The following FIBCD1 variants were observed in gnomAD, a reference collection of about 807,000 sequenced individuals.
FIBCD1 encodes fibrinogen C domain-containing protein 1.
Under a neutral mutation model 45.1 loss-of-function variants are expected in FIBCD1, and 47 were observed. The observed-to-expected ratio is 1.04, with a 90% confidence interval of 0.82 to 1.33. The LOEUF (loss-of-function observed/expected upper bound fraction) is 1.33. Among genes scored for constraint, FIBCD1 ranks in the 40% most tolerant of loss-of-function variants. FIBCD1 has a pLI of 0.00. For missense variants in FIBCD1, 653 were observed against 682.2 expected (o/e 0.96, Z 0.48); for synonymous variants, 313 against 308.1 (o/e 1.02, Z -0.17).
At position 130,903,907 on chromosome 9, in the gene FIBCD1, C is replaced by G; in HGVS notation, c.*157G>C. On this transcript the variant is annotated 3_prime_UTR_variant, in exon 7 of 7. Transcript: ENST00000372338. ...GCGAGAAGGCGATGTGTGACTTCAC[C>G]GGCCCAGGGAGCTTCGTGTCAGGGA... 1.1e-6 allele frequency: 1 copy of G among 947,590 alleles called. No individual in the cohort carries two copies. The highest frequency in any genetic ancestry group is 1.7e-6 in the Non-Finnish European group (1 of 602,824). The allele number at this position is 947,590 out of a possible 1,614,324, so 58.7% of individuals were successfully genotyped here.
chr9:130,916,511 C>T (rs895398040), intron 4 of FIBCD1, among the ~76,000 whole-genome samples: 2 of 152,366 alleles, frequency 1.3e-5, no homozygotes, highest in Admixed American at 6.5e-5. Flanking sequence ...GTGCCGAGCA[C>T]GGCCCAGATC....
intron 4 of FIBCD1, among the ~76,000 whole-genome samples, chr9:130,913,758 C>G (rs1832108072): frequency 6.6e-6 from 1 of 152,174 alleles, no homozygotes; most frequent in South Asian, 2.1e-4. Flanking sequence ...TCAGGCACTC[C>G]CCTGAGAAGG....
In FIBCD1 at chr9:130,904,152, T is replaced by C; in HGVS notation, c.1298A>G (p.Asp433Gly). Residue 433 changes from aspartate to glycine, a missense_variant, in exon 7 of 7, where the codon GAC becomes GGC. Coordinates refer to ENST00000372338, the MANE Select transcript of FIBCD1 (RefSeq NM_032843.5). ...GGTCCAGGAGGACCACTCCACGCCGTCGGCATAGGAGGCGTGCGCACCGCG... is the reference window on the plus strand; with the variant it reads ...GGTCCAGGAGGACCACTCCACGCCGCCGGCATAGGAGGCGTGCGCACCGCG... ...YLRGAHASYA[D>G]GVEWSSWTGW... 1.2e-6 allele frequency: 2 copies of C among 1,613,462 alleles called. No individual in the cohort carries two copies. Among genetic ancestry groups the C allele is most frequent in the Non-Finnish European group, 1.7e-6 (2 of 1,179,932 alleles).
intron 1 of FIBCD1, among the ~76,000 whole-genome samples, chr9:130,934,997 A>C (rs1832497665): frequency 6.6e-6 from 1 of 152,036 alleles, no homozygotes; most frequent in Non-Finnish European, 1.5e-5. Context: ...AATCGCCCCG[A>C]CCTGTGAGTT....
rs911207398 is a variant in FIBCD1, at chr9:130,923,321, ACTC to A, written c.849+420_849+422del. ...GGGGGGTCTCTGCTCCTCCAGCCAC[ACTC>A]CTCCTTTTTCTTCTGCACACGCGCC... On this transcript the variant is annotated intron_variant, in intron 4 of 6. Transcript: ENST00000372338. Among the ~76,000 whole-genome samples, 11 of 151,458 alleles carry A rather than the reference ACTC, an allele frequency of 7.3e-5. No individual in the cohort carries two copies. The East Asian group carries it at 1.4e-3, about 19-fold the overall frequency.
chr9:130,936,531 G>C (rs1230416068), intron 1 of FIBCD1, among the ~76,000 whole-genome samples: 1 of 152,236 alleles, frequency 6.6e-6, no homozygotes, highest in Non-Finnish European at 1.5e-5. Context: ...GGGCTGTGTG[G>C]GGGCTGAAAG....
At chr9:130,937,532 G>A (rs1279059126) in intron 1 of FIBCD1, among the ~76,000 whole-genome samples, 2 of 152,228 alleles carry the variant, frequency 1.3e-5, no homozygotes, top group African/African-American at 4.8e-5. Flanking sequence ...CAGCTCCTGA[G>A]AGGAAGGGAC....
rs371058676 is a variant in FIBCD1, at chr9:130,904,151, G to A, written c.1299C>T (p.Asp433=). Reference sequence around the variant, plus strand: ...CGGTCCAGGAGGACCACTCCACGCCGTCGGCATAGGAGGCGTGCGCACCGC... The same window carrying A: ...CGGTCCAGGAGGACCACTCCACGCCATCGGCATAGGAGGCGTGCGCACCGC... ...YLRGAHASYA[D]GVEWSSWTGW... is the part of the protein sequence containing the mutation. Residue 433 remains aspartate (D), a synonymous_variant, in exon 7 of 7, where the codon GAC becomes GAT. Transcript: ENST00000372338. 3.0e-5 allele frequency: 49 copies of A among 1,613,446 alleles called. No individual in the cohort carries two copies. Among genetic ancestry groups the A allele is most frequent in the East Asian group, 2.9e-4 (13 of 44,884 alleles).
chr9:130,925,672 T>C (rs1832346051), intron 2 of FIBCD1, among the ~76,000 whole-genome samples: 3 of 152,064 alleles, frequency 2.0e-5, no homozygotes, highest in African/African-American at 7.2e-5. Flanking sequence ...CGCAATGCTG[T>C]CCCCCAGCGC....
At chr9:130,920,813 G>A (rs942062392) in intron 4 of FIBCD1, among the ~76,000 whole-genome samples, 2 of 152,214 alleles carry the variant, frequency 1.3e-5, no homozygotes, top group African/African-American at 2.4e-5. Flanking sequence ...GGGCCCTGGG[G>A]CTCCCCATCC....
Position 130,904,321 on chromosome 9 carries a change from C to G in FIBCD1, c.1129G>C (p.Asp377His), listed in dbSNP as rs371485825. 3.1e-6 allele frequency: 5 copies of G among 1,605,398 alleles called. No homozygotes were observed. In the East Asian group the frequency reaches 1.1e-4, roughly 36 times the overall value. Residue 377 changes from aspartate (D) to histidine (H), a missense_variant and splice_region_variant, in exon 7 of 7, where the codon GAC (aspartate) becomes CAC (histidine). By Grantham distance (81) the Asp-to-His change is moderately conservative. Coordinates refer to ENST00000372338, the MANE Select transcript of FIBCD1 (RefSeq NM_032843.5). The stretch of plus-strand genomic sequence containing the variant: ...ATGCCGCTGTGCTTCAGGAGGGAGT[C>G]GCCTGCGCAGGGGTGCACACAGGTG... ...TVADYSGTAG[D>H]SLLKHSGMRF...
chr9:130,931,322 A>G (rs2133120874), intron 1 of FIBCD1, among the ~76,000 whole-genome samples: 1 of 152,326 alleles, frequency 6.6e-6, no homozygotes, highest in East Asian at 1.9e-4. Context: ...ATCCTGGCCA[A>G]CAAGGTGAAA....
At chr9:130,917,628 G>A (rs1210196644) in intron 4 of FIBCD1, among the ~76,000 whole-genome samples, 1 of 152,194 alleles carries the variant, frequency 6.6e-6, no homozygotes, top group Non-Finnish European at 1.5e-5. Context: ...GACAGACCCT[G>A]ACCAACCAGC....
At chr9:130,933,803 C>G (rs1832478505) in intron 1 of FIBCD1, 1 of 152,112 alleles carries the variant, frequency 6.6e-6, no homozygotes, top group Non-Finnish European at 1.5e-5. Context: ...CCTTCCTCCT[C>G]ACTTCCTAAG....
Position 130,904,216 on chromosome 9 carries a change from G to A in FIBCD1, c.1234C>T (p.Arg412Cys), listed in dbSNP as rs752126405. 53 of 1,613,648 alleles carry A rather than the reference G, an allele frequency of 3.3e-5. No homozygotes were observed. The highest frequency in any genetic ancestry group is 2.1e-4 in the African/African-American group (16 of 74,922). ...AAFYRGAWWY[R>C]NCHTSNLNGQ... ...TTGAGGTTGGACGTGTGGCAGTTGC[G>A]GTACCACCAGGCACCGCGGTAGAAG... Residue 412 changes from arginine to cysteine, a missense_variant, in exon 7 of 7, where the codon CGC becomes TGC. Arg to Cys is a radical substitution (Grantham distance 180). Coordinates refer to ENST00000372338, the MANE Select transcript of FIBCD1 (RefSeq NM_032843.5).
At chr9:130,911,435 C>T (rs1247141441) in intron 5 of FIBCD1, among the ~76,000 whole-genome samples, 2 of 152,192 alleles carry the variant, frequency 1.3e-5, no homozygotes, top group East Asian at 1.9e-4. Flanking sequence ...GCCGGGTCCT[C>T]CTCTGTCCTC....
chr9:130,934,735 C>T (rs10121727), intron 1 of FIBCD1, among the ~76,000 whole-genome samples: 33,466 of 152,162 alleles, frequency 0.22, 4,568 homozygotes, highest in African/African-American at 0.39. Flanking sequence ...ATTTTTCACT[C>T]GGGGATGGCA....
At chr9:130,915,291 G>A (rs766966888) in intron 4 of FIBCD1, among the ~76,000 whole-genome samples, 19 of 152,162 alleles carry the variant, frequency 1.2e-4, no homozygotes, top group Non-Finnish European at 2.4e-4. Context: ...CCTTGGTGCC[G>A]ATCAATTGGG....
intron 2 of FIBCD1, 127 bp downstream of exon 2, chr9:130,929,440 C>T: frequency 7.9e-7 from 1 of 1,265,666 alleles, no homozygotes; most frequent in African/African-American, 1.5e-5. Context: ...ATGGGAACAG[C>T]AGTAGCCCCT....
Sources: gnomAD v4.1 joint callset for allele counts (sites outside exome capture counted in the v4.1 genomes callset) on GRCh38, gnomAD v4.1.1 for gene constraint, MANE v1.5 for transcripts, NCBI Gene and HGNC (gene_info 2026-07-23, HGNC 2026-07-21) for gene names.